The following COMMD10 variants were observed in gnomAD, a reference collection of about 807,000 sequenced individuals.
The protein encoded by COMMD10 is COMM domain-containing protein 10.
Under a neutral mutation model 28.9 loss-of-function variants are expected in COMMD10, and 33 were observed. The ratio of observed to expected loss-of-function variants is 1.14; its 90% CI spans 0.87 to 1.53. COMMD10 has a LOEUF of 1.53. Ranked by LOEUF, COMMD10 falls within the 40% of genes most tolerant of loss-of-function variation. COMMD10 has a pLI of 0.00. For synonymous variants in COMMD10, 110 were observed against 81.7 expected (o/e 1.35, Z -1.87); for missense variants, 310 against 233.4 (o/e 1.33, Z -2.14).
At position 116,223,265 on chromosome 5, in the gene COMMD10, G is replaced by C. The variant is rs558134196; in HGVS notation, c.511-68252G>C. Among the ~76,000 whole-genome samples the C allele has an allele frequency of 2.0e-5, 3 of 151,840 alleles. No homozygotes were observed. In the South Asian group the frequency reaches 6.2e-4, roughly 32 times the overall value. ...CAAATCTAGGAACTAATTTAGAAAA[G>C]TCAGAGGATTTTTATTTAGTATTGA... On this transcript the variant is annotated intron_variant, in intron 5 of 6. Coordinates refer to ENST00000274458, the MANE Select transcript of COMMD10 (RefSeq NM_016144.4).
chr5:116,240,658 A>G (rs1426817153), intron 5 of COMMD10, among the ~76,000 whole-genome samples: 3 of 152,172 alleles, frequency 2.0e-5, no homozygotes, highest in Non-Finnish European at 2.9e-5. Flanking sequence ...ATCCTAGGCA[A>G]GAAATCAGGA....
chr5:116,116,788 G>A (rs540743743), intron 4 of COMMD10, among the ~76,000 whole-genome samples: 71 of 148,932 alleles, frequency 4.8e-4, no homozygotes, highest in Non-Finnish European at 8.6e-4. Flanking sequence ...GCGCAATCTC[G>A]GCTCACTGCA....
chr5:116,280,339 C>G lies in COMMD10; in HGVS notation c.511-11178C>G, dbSNP rs987947190. Among the ~76,000 whole-genome samples, 7 of 151,820 alleles carry G rather than the reference C, an allele frequency of 4.6e-5. No individual in the cohort carries two copies. The South Asian group carries it at 1.0e-3, about 22-fold the overall frequency. Reference sequence around the variant, plus strand: ...CTAGGATGCTTTGCTTGCACTTTCTCAGGCTGGTGCCCTTTGAGCCAGAGC... The same window carrying G: ...CTAGGATGCTTTGCTTGCACTTTCTGAGGCTGGTGCCCTTTGAGCCAGAGC... On this transcript the variant is annotated intron_variant, in intron 5 of 6. Transcript: ENST00000274458.
chr5:116,158,271 C>T (rs112509033), intron 5 of COMMD10, among the ~76,000 whole-genome samples: 341 of 1,350 alleles, frequency 0.25, 161 homozygotes, highest in South Asian at 0.41. Context: ...CTCCGTCTCC[C>T]CTCTCTCCGT....
chr5:116,092,000 C>T (rs1750313165), intron 3 of COMMD10, among the ~76,000 whole-genome samples: 1 of 152,060 alleles, frequency 6.6e-6, no homozygotes, highest in South Asian at 2.1e-4. Context: ...GGTGGGTGTT[C>T]AGTAGAAGAA....
chr5:116,164,466 T>C (rs776645295), intron 5 of COMMD10, among the ~76,000 whole-genome samples: 2 of 152,246 alleles, frequency 1.3e-5, no homozygotes, highest in African/African-American at 4.8e-5. Context: ...TAATTTTTCA[T>C]TGGTTTAGAG....
At chr5:116,125,625 G>C (rs1236096986) in intron 4 of COMMD10, among the ~76,000 whole-genome samples, 2 of 152,100 alleles carry the variant, frequency 1.3e-5, no homozygotes, top group African/African-American at 2.4e-5. Context: ...AGTTCTCCTG[G>C]ATAATATCCT....
chr5:116,206,174 T>C (rs977803821), intron 5 of COMMD10, among the ~76,000 whole-genome samples: 3 of 152,210 alleles, frequency 2.0e-5, no homozygotes, highest in Admixed American at 2.0e-4. Context: ...TTTCACAAAA[T>C]TCATGAAGGA....
At chr5:116,153,924 G>C (rs966732795) in intron 5 of COMMD10, among the ~76,000 whole-genome samples, 1 of 152,084 alleles carries the variant, frequency 6.6e-6, no homozygotes, top group Non-Finnish European at 1.5e-5. Context: ...CTTTACGGGT[G>C]ATGGAGCACT....
chr5:116,092,546 C>T lies in COMMD10; in HGVS notation c.245C>T (p.Ala82Val), dbSNP rs770375919. The T allele has an allele frequency of 3.8e-6, 6 of 1,558,484 alleles. No homozygotes were observed. The highest frequency in any genetic ancestry group is 4.3e-6 in the Non-Finnish European group (5 of 1,151,572). ...LETISFILEQ[A>V]VYHNVKPAAL... ...TAATTTTTTGTTTCTTTTTAATAGGCAGTGTATCACAATGTGAAGCCAGCA... is the reference window on the plus strand; with the variant it reads ...TAATTTTTTGTTTCTTTTTAATAGGTAGTGTATCACAATGTGAAGCCAGCA... Residue 82 changes from alanine (A) to valine (V), a missense_variant and splice_region_variant, in exon 4 of 7, where the codon GCA becomes GTA. By Grantham distance (64) the Ala-to-Val change is moderately conservative (BLOSUM62 0). Coordinates refer to ENST00000274458, the MANE Select transcript of COMMD10 (RefSeq NM_016144.4).
intron 5 of COMMD10, among the ~76,000 whole-genome samples, chr5:116,265,662 ATGATGACAGTGAT>A (rs1750565066): frequency 6.6e-6 from 1 of 151,836 alleles, no homozygotes; most frequent in Non-Finnish European, 1.5e-5. Flanking sequence ...AAAAATGATG[ATGATGACAGTGAT>A]TGCAAACACT....
intron 5 of COMMD10, among the ~76,000 whole-genome samples, chr5:116,155,212 TTATTC>T (rs1411644026): frequency 6.6e-6 from 1 of 152,236 alleles, no homozygotes; most frequent in East Asian, 1.9e-4. Flanking sequence ...CATTATTTAG[TTATTC>T]TATTTCTGGT....
chr5:116,151,769 A>G (rs1270676915), intron 5 of COMMD10, among the ~76,000 whole-genome samples: 1 of 152,010 alleles, frequency 6.6e-6, no homozygotes, highest in African/African-American at 2.4e-5. Flanking sequence ...TAGTCTTGCT[A>G]ATGGTCTATC....
intron 5 of COMMD10, among the ~76,000 whole-genome samples, chr5:116,189,920 A>G (rs1268280657): frequency 6.6e-6 from 1 of 152,136 alleles, no homozygotes; most frequent in East Asian, 1.9e-4. Flanking sequence ...TGTACTCCTG[A>G]CCTTCTGAAA....
intron 5 of COMMD10, among the ~76,000 whole-genome samples, chr5:116,214,191 T>A (rs1749041690): frequency 6.6e-6 from 1 of 152,104 alleles, no homozygotes; most frequent in African/African-American, 2.4e-5. Flanking sequence ...GCAAACTTCT[T>A]GGAAAGTAGA....
rs146840003 is a variant in COMMD10 at position 116,262,421 on chromosome 5, G to A, written c.511-29096G>A. On this transcript the variant is annotated intron_variant, in intron 5 of 6. Coordinates refer to ENST00000274458, the MANE Select transcript of COMMD10 (RefSeq NM_016144.4). ...AGACCTAAGAGGATTTATAGGTGAT[G>A]TGTATATGTGTTTTTGTTTTATCCA... Among the ~76,000 whole-genome samples the A allele has an allele frequency of 1.6e-3, 246 of 151,812 alleles. 3 individuals carry two copies. Among genetic ancestry groups the A allele is most frequent in the African/African-American group, 4.7e-3 (192 of 41,254 alleles).
intron 5 of COMMD10, among the ~76,000 whole-genome samples, chr5:116,209,568 A>G (rs1449778341): frequency 6.6e-6 from 1 of 152,170 alleles, no homozygotes; most frequent in African/African-American, 2.4e-5. Context: ...TATGGCTAGT[A>G]TGTGTGGTAC....
chr5:116,275,689 C>T (rs1446794627), intron 5 of COMMD10, among the ~76,000 whole-genome samples: 1 of 151,600 alleles, frequency 6.6e-6, no homozygotes, highest in African/African-American at 2.4e-5. Flanking sequence ...CAGAACATAT[C>T]TGATGGCTTA....
intron 5 of COMMD10, among the ~76,000 whole-genome samples, chr5:116,266,961 C>G (rs1378930412): frequency 2.0e-5 from 3 of 151,808 alleles, no homozygotes; most frequent in Non-Finnish European, 2.9e-5. Context: ...ATAATAAGAG[C>G]TATTTATGAC....
Sources: gnomAD v4.1 joint callset for allele counts (sites outside exome capture counted in the v4.1 genomes callset) on GRCh38, gnomAD v4.1.1 for gene constraint, MANE v1.5 for transcripts, NCBI Gene and HGNC (gene_info 2026-07-23, HGNC 2026-07-21) for gene names.